Variants in DPP10 observed in about 807,000 individuals in gnomAD.
DPP10 encodes the protein inactive dipeptidyl peptidase 10.
Under a neutral mutation model 120.9 loss-of-function variants are expected in DPP10, and 33 were observed. That is an observed-to-expected ratio of 0.27 (90% CI 0.21 to 0.37). DPP10 has a LOEUF of 0.37. Among genes scored for constraint, DPP10 ranks in the 10% least tolerant of loss-of-function variants. The pLI is 1.00. For missense variants in DPP10, 816 were observed against 942.8 expected (o/e 0.87, Z 1.76); for synonymous variants, 337 against 326.1 (o/e 1.03, Z -0.36).
intron 1 of DPP10, among the ~76,000 whole-genome samples, chr2:114,779,053 T>C (rs1052527412): frequency 6.6e-6 from 1 of 152,128 alleles, no homozygotes; most frequent in Non-Finnish European, 1.5e-5. Context: ...GCCTGGGCTC[T>C]ATTTTTGGTC....
intron 1 of DPP10, chr2:115,131,882 AG>A (rs1353702453): frequency 6.6e-6 from 1 of 151,700 alleles, no homozygotes; most frequent in Non-Finnish European, 1.5e-5. Flanking sequence ...TGAGGTCAGG[AG>A]TTCGAGGTCA....
intron 3 of DPP10, among the ~76,000 whole-genome samples, chr2:115,402,180 A>C (rs1306838820): frequency 6.6e-6 from 1 of 152,154 alleles, no homozygotes; most frequent in African/African-American, 2.4e-5. Flanking sequence ...CCATACACAG[A>C]GAATTCTCCT....
At chr2:114,856,887 A>C (rs1025259340) in intron 1 of DPP10, among the ~76,000 whole-genome samples, 2 of 152,226 alleles carry the variant, frequency 1.3e-5, no homozygotes, top group Non-Finnish European at 2.9e-5. Context: ...GACAATGATT[A>C]CAGTGATAGT....
chr2:115,798,682 G>A (rs1043157725), intron 19 of DPP10, among the ~76,000 whole-genome samples: 2 of 151,732 alleles, frequency 1.3e-5, no homozygotes, highest in South Asian at 2.1e-4. Flanking sequence ...TATAAAACTT[G>A]GGAAGAAACT....
intron 7 of DPP10, among the ~76,000 whole-genome samples, chr2:115,708,313 A>G (rs1007335209): frequency 6.6e-6 from 1 of 152,040 alleles, no homozygotes; most frequent in Admixed American, 6.6e-5. Context: ...TGTGACTTGG[A>G]CCTTAATTCT....
chr2:114,709,082 C>A (rs895131463), intron 1 of DPP10, among the ~76,000 whole-genome samples: 8 of 152,270 alleles, frequency 5.3e-5, no homozygotes, highest in African/African-American at 1.7e-4. Context: ...CACTGCTCTA[C>A]CTCTTATCAC....
intron 1 of DPP10, among the ~76,000 whole-genome samples, chr2:115,058,805 T>C (rs1371018718): frequency 6.6e-6 from 1 of 152,182 alleles, no homozygotes; most frequent in Admixed American, 6.6e-5. Flanking sequence ...AAATGAATTA[T>C]CTCTATTTCA....
intron 25 of DPP10, 79 bp downstream of exon 25, chr2:115,840,902 A>AT: frequency 1.7e-6 from 2 of 1,156,428 alleles, no homozygotes; most frequent in Non-Finnish European, 2.5e-6. Context: ...CTTCTCTATT[A>AT]TTCCATTCTC....
At chr2:115,601,184 A>T (rs897757949) in intron 5 of DPP10, among the ~76,000 whole-genome samples, 2 of 152,204 alleles carry the variant, frequency 1.3e-5, no homozygotes, top group Non-Finnish European at 2.9e-5. Flanking sequence ...TTTGTCAAAG[A>T]CCACCTTAAA....
chr2:115,055,649 G>C (rs1573449759), intron 1 of DPP10, among the ~76,000 whole-genome samples: 1 of 152,132 alleles, frequency 6.6e-6, no homozygotes, highest in Middle Eastern at 3.4e-3. Flanking sequence ...TTCATGTATT[G>C]CTAGTTGTCC....
intron 7 of DPP10, among the ~76,000 whole-genome samples, chr2:115,711,916 G>GATTTTTTTTTTA (rs2092330187): frequency 2.2e-5 from 1 of 44,728 alleles, no homozygotes; most frequent in Admixed American, 3.5e-4. Context: ...AAATGGTCTG[G>GATTTTTTTTTTA]TTTTTTTTTT....
In DPP10 at chr2:115,011,986, A is replaced by G. The variant is rs183353711; in HGVS notation, c.61-297253A>G. ...GCCTTTAGGACTGCAGGCTGCTGGG[A>G]GCAGGGTGAGGCCTGTGACTGCTGG... On this transcript the variant is annotated intron_variant, in intron 1 of 25. Coordinates refer to ENST00000410059, the MANE Select transcript of DPP10 (RefSeq NM_020868.6). 1.7e-3 allele frequency among the ~76,000 whole-genome samples: 261 copies of G among 152,120 alleles called. 1 individual carries two copies. The highest frequency in any genetic ancestry group is 6.0e-3 in the African/African-American group (248 of 41,494).
chr2:114,871,430 G>C (rs906605862), intron 1 of DPP10, among the ~76,000 whole-genome samples: 7 of 152,098 alleles, frequency 4.6e-5, no homozygotes, highest in African/African-American at 1.7e-4. Flanking sequence ...GCCATTAAAA[G>C]TAATGATACA....
Position 114,461,303 on chromosome 2 carries a change from T to C in DPP10, c.60+18465T>C, listed in dbSNP as rs537515232. 3.7e-3 allele frequency among the ~76,000 whole-genome samples: 558 copies of C among 152,314 alleles called. 4 individuals carry two copies. Among genetic ancestry groups the C allele is most frequent in the Non-Finnish European group, 6.0e-3 (406 of 68,026 alleles). On this transcript the variant is annotated intron_variant, in intron 1 of 25. Coordinates refer to ENST00000410059, the MANE Select transcript of DPP10 (RefSeq NM_020868.6). Reference sequence around the variant, plus strand: ...CCAGTTTCTTAATGAGCTTGCCTCATTGCTGAGTGAGCAAAACACTCTTAA... The same window carrying C: ...CCAGTTTCTTAATGAGCTTGCCTCACTGCTGAGTGAGCAAAACACTCTTAA...
intron 1 of DPP10, among the ~76,000 whole-genome samples, chr2:114,570,845 A>T (rs1268249786): frequency 2.7e-5 from 4 of 150,710 alleles, no homozygotes; most frequent in African/African-American, 4.9e-5. Context: ...ATAAAAAAAA[A>T]AAAAAAAAAA....
At chr2:115,050,927 T>C (rs573489704) in intron 1 of DPP10, among the ~76,000 whole-genome samples, 2 of 152,252 alleles carry the variant, frequency 1.3e-5, no homozygotes, top group East Asian at 3.9e-4. Context: ...TGACCACACA[T>C]GACAAAGAAT....
chr2:115,043,667 C>T (rs1203508622), intron 1 of DPP10, among the ~76,000 whole-genome samples: 1 of 152,132 alleles, frequency 6.6e-6, no homozygotes, highest in African/African-American at 2.4e-5. Context: ...TCAGTACTCA[C>T]TAGCAAGTCA....
chr2:115,588,898 A>G (rs565549816), intron 5 of DPP10, among the ~76,000 whole-genome samples: 1 of 152,366 alleles, frequency 6.6e-6, no homozygotes, highest in African/African-American at 2.4e-5. Context: ...ATATTCAGGT[A>G]TGCCTAGACC....
At chr2:114,852,559 A>G (rs1396205677) in intron 1 of DPP10, among the ~76,000 whole-genome samples, 1 of 152,096 alleles carries the variant, frequency 6.6e-6, no homozygotes, top group Non-Finnish European at 1.5e-5. Flanking sequence ...ATGTGTGTAG[A>G]TTATATGCAA....
Sources: allele counts gnomAD v4.1 joint callset (sites outside exome capture counted in the v4.1 genomes callset), GRCh38; gene constraint gnomAD v4.1.1; transcripts MANE v1.5; gene names NCBI Gene and HGNC (gene_info 2026-07-23, HGNC 2026-07-21).